NT5DC3: variants seen among roughly 807,000 people sequenced by gnomAD.
NT5DC3 encodes the protein 5'-nucleotidase domain-containing protein 3.
Under a neutral mutation model 67.8 loss-of-function variants are expected in NT5DC3, and 42 were observed. That is an observed-to-expected ratio of 0.62 (90% CI 0.48 to 0.80). The LOEUF (loss-of-function observed/expected upper bound fraction) is 0.80, where lower values mean the gene tolerates loss of function less well. NT5DC3 is among the 30% of genes least tolerant of loss of function. The pLI is 0.00. For synonymous variants in NT5DC3, 237 were observed against 255.6 expected (o/e 0.93, Z 0.69); for missense variants, 570 against 696.4 (o/e 0.82, Z 2.04).
chr12:103,761,542 C>T, the NT5DC3 span: 1 of 767,018 alleles, frequency 1.3e-6, no homozygotes, highest in Middle Eastern at 3.9e-4. Context: ...CAGCCTCCAA[C>T]CTCCAAGGTA....
chr12:103,809,781 G>T (rs190431003), intron 2 of NT5DC3, among the ~76,000 whole-genome samples: 1 of 152,268 alleles, frequency 6.6e-6, no homozygotes, highest in Non-Finnish European at 1.5e-5. Context: ...TTTGGGTGGG[G>T]ACACAGCCAA....
intron 1 of NT5DC3, among the ~76,000 whole-genome samples, chr12:103,830,947 G>A (rs560594805): frequency 2.3e-4 from 35 of 152,118 alleles, no homozygotes; most frequent in Non-Finnish European, 3.4e-4. Flanking sequence ...ATTTTGGATT[G>A]TAAGCTCAGA....
chr12:103,777,823 C>T lies in NT5DC3; in HGVS notation c.*6G>A. On this transcript the variant is annotated 3_prime_UTR_variant, in exon 14 of 14. Transcript: ENST00000392876. ...GGCAGTTACAGTTTCTAGTTTTTGC[C>T]CTTGGCTACTTGGCCTGGGCCTCCT... The T allele has an allele frequency of 6.2e-7, 1 of 1,606,402 alleles. No individual in the cohort carries two copies. Among genetic ancestry groups the T allele is most frequent in the African/African-American group, 1.3e-5 (1 of 74,534 alleles).
chr12:103,780,895 ATT>A (rs1231209733), intron 12 of NT5DC3, among the ~76,000 whole-genome samples: 1 of 152,234 alleles, frequency 6.6e-6, no homozygotes, highest in Non-Finnish European at 1.5e-5. Context: ...TAACATAAAA[ATT>A]TGTTTTAATT....
chr12:103,750,742 G>A, the NT5DC3 span: 1 of 1,600,882 alleles, frequency 6.2e-7, no homozygotes, highest in South Asian at 1.1e-5. Context: ...CAGGGCCTAT[G>A]GCCCAAAGCA....
chr12:103,804,109 T>A (rs1886700279), intron 4 of NT5DC3, among the ~76,000 whole-genome samples: 1 of 152,158 alleles, frequency 6.6e-6, no homozygotes, highest in Non-Finnish European at 1.5e-5. Flanking sequence ...TAACAGTGCC[T>A]GTCCCATAGC....
At chr12:103,766,299 G>A (rs1220117712), downstream of NT5DC3, 23 of 1,613,928 alleles carry the variant, frequency 1.4e-5, no homozygotes, top group Admixed American at 2.7e-4. Flanking sequence ...TCTGAAGAAC[G>A]GCAGCTTGAG....
chr12:103,812,403 A>G lies in NT5DC3; in HGVS notation c.393+2534T>C, dbSNP rs1160807214. 3.3e-5 allele frequency among the ~76,000 whole-genome samples: 5 copies of G among 152,344 alleles called. No individual in the cohort carries two copies. In the East Asian group the frequency reaches 5.8e-4, roughly 18 times the overall value. ...GCCTGATATAATTAGTATTATAACT[A>G]TAGTTTTATCAAAGCAACAAACAGA... is the stretch of plus-strand genomic sequence containing the variant. On this transcript the variant is annotated intron_variant, in intron 2 of 13. Coordinates refer to ENST00000392876, the MANE Select transcript of NT5DC3 (RefSeq NM_001031701.3).
chr12:103,774,310 T>C lies in NT5DC3; in HGVS notation c.*3519A>G, dbSNP rs1885269234. 2 of 152,248 alleles carry C rather than the reference T, an allele frequency of 1.3e-5. No homozygotes were observed. The highest frequency in any genetic ancestry group is 4.1e-4 in the South Asian group (2 of 4,828). The allele number at this position is 152,248 out of a possible 1,614,324, so 9.4% of individuals were successfully genotyped here. On this transcript the variant is annotated 3_prime_UTR_variant, in exon 14 of 14. Transcript: ENST00000392876. ...TTTTAAATGGCTGAAAACAGATTCA[T>C]TTCCCTTGTACCAATATGCATTCAT...
At chr12:103,757,090 T>G in the NT5DC3 span, among the ~76,000 whole-genome samples, 1 of 149,492 alleles carries the variant, frequency 6.7e-6, no homozygotes, top group Non-Finnish European at 1.5e-5. Flanking sequence ...TTATATATAT[T>G]TTGTTTGTTT....
At chr12:103,807,798 C>T (rs184467287) in intron 2 of NT5DC3, among the ~76,000 whole-genome samples, 274 of 152,204 alleles carry the variant, frequency 1.8e-3, no homozygotes, top group Non-Finnish European at 3.1e-3. Flanking sequence ...CCCATACTCA[C>T]GAGATCTGAT....
chr12:103,806,213 A>G (rs1316200386), intron 4 of NT5DC3, 109 bp downstream of exon 4: 1 of 721,758 alleles, frequency 1.4e-6, no homozygotes, highest in Non-Finnish European at 2.5e-6. Flanking sequence ...TGAATGAATG[A>G]ATCATATTCA....
chr12:103,836,650 A>G (rs951122179), intron 1 of NT5DC3, among the ~76,000 whole-genome samples: 1 of 151,692 alleles, frequency 6.6e-6, no homozygotes, highest in Non-Finnish European at 1.5e-5. Flanking sequence ...AAGTCCCTCA[A>G]TTGGAATGTT....
At chr12:103,782,345 G>A (rs771889936) in intron 12 of NT5DC3, among the ~76,000 whole-genome samples, 2 of 152,010 alleles carry the variant, frequency 1.3e-5, no homozygotes, top group Non-Finnish European at 2.9e-5. Context: ...TCCAGCCTGG[G>A]CAACAGAGTG....
chr12:103,768,087 CAA>C (rs34935949), downstream of NT5DC3, among the ~76,000 whole-genome samples: 6,666 of 87,120 alleles, frequency 0.077, 560 homozygotes, highest in African/African-American at 0.27. Flanking sequence ...GACTCCTTCT[CAA>C]AAAAAAAAAA....
chr12:103,839,353 C>T (rs926710566), intron 1 of NT5DC3, among the ~76,000 whole-genome samples: 3 of 152,076 alleles, frequency 2.0e-5, no homozygotes, highest in Non-Finnish European at 4.4e-5. Context: ...CTCAAGCGAT[C>T]CTCCCCAACT....
In NT5DC3 at chr12:103,815,102, C is replaced by T. The variant is rs541146599; in HGVS notation, c.228G>A (p.Met76Ile). Residue 76 changes from methionine to isoleucine, a missense_variant, in exon 2 of 14, where the codon ATG becomes ATA. Physicochemically the swap from Met to Ile is conservative, Grantham distance 10 (BLOSUM62 1). Coordinates refer to ENST00000392876, the MANE Select transcript of NT5DC3 (RefSeq NM_001031701.3). The part of the protein sequence containing the change: ...RSTEELVPSI[M>I]SNLLNPDAIF... ...TGGCATCTGGATTCAACAAGTTGCT[C>T]ATAATGGAAGGAACCAATTCTGGAA... 2.6e-5 allele frequency: 42 copies of T among 1,608,894 alleles called. 1 individual carries two copies. The Admixed American group carries it at 5.2e-4, about 20-fold the overall frequency.
chr12:103,811,446 A>C (rs1887028663), intron 2 of NT5DC3, among the ~76,000 whole-genome samples: 1 of 152,130 alleles, frequency 6.6e-6, no homozygotes, highest in South Asian at 2.1e-4. Flanking sequence ...GATGAAAACC[A>C]CACTTCACCT....
chr12:103,757,198 C>G, the NT5DC3 span, among the ~76,000 whole-genome samples: 25 of 151,674 alleles, frequency 1.6e-4, no homozygotes, highest in African/African-American at 6.1e-4. Flanking sequence ...AAGGGCTCCT[C>G]CCACCCCAGC....
Sources: allele counts gnomAD v4.1 joint callset (sites outside exome capture counted in the v4.1 genomes callset), GRCh38; gene constraint gnomAD v4.1.1; transcripts MANE v1.5; gene names NCBI Gene and HGNC (gene_info 2026-07-23, HGNC 2026-07-21).